PNPLA7: variants seen among roughly 807,000 people sequenced by gnomAD.
The protein encoded by PNPLA7 is patatin like domain 7, lysophospholipase, also known as patatin-like phospholipase domain-containing protein 7.
In PNPLA7, 153 loss-of-function variants were observed where a neutral mutation model predicts 161.7. That is an observed-to-expected ratio of 0.95 (90% CI 0.83 to 1.08). The LOEUF is 1.08. Ranked by LOEUF, PNPLA7 falls within the 50% of genes least tolerant of loss-of-function variation. PNPLA7 has a pLI of 0.00. For synonymous variants in PNPLA7, 809 were observed against 782.1 expected (o/e 1.03, Z -0.57); for missense variants, 1,739 against 1,856.6 (o/e 0.94, Z 1.16).
In PNPLA7 at chr9:137,490,010, AC is replaced by A. The variant is rs368630803; in HGVS notation, c.2197+3002del. 3.3e-3 allele frequency among the ~76,000 whole-genome samples: 499 copies of A among 152,310 alleles called. 2 individuals are homozygous for A. The highest frequency in any genetic ancestry group is 0.011 in the African/African-American group (473 of 41,564). On this transcript the variant is annotated intron_variant, in intron 20 of 34. Coordinates refer to ENST00000406427, the MANE Select transcript of PNPLA7 (RefSeq NM_001098537.3). The surrounding 1 kb of genome is among the most constrained non-coding windows in gnomAD (Gnocchi z 4.1). ...AAACCTACGGGTCCAAGACGAAGAA[AC>A]CCCAAACAGGACAGATCCAAAGTAT...
rs1245537311 is a variant in PNPLA7 at position 137,490,453 on chromosome 9, G to C, written c.2197+2560C>G. On this transcript the variant is annotated intron_variant, in intron 20 of 34. Transcript: ENST00000406427. This position sits in a 1 kb window ranked among gnomAD's most constrained non-coding sequence, Gnocchi z 4.1. ...TGCGTTACCTACTGGAGAACATCTGGATACCTGGATCCTTCATGAGAAGCA... is the reference window on the plus strand; with the variant it reads ...TGCGTTACCTACTGGAGAACATCTGCATACCTGGATCCTTCATGAGAAGCA... Among the ~76,000 whole-genome samples, 1 of 152,176 alleles carries C rather than the reference G, an allele frequency of 6.6e-6. No individual in the cohort carries two copies.
At chr9:137,515,843 C>T (rs1230907392) in intron 11 of PNPLA7, among the ~76,000 whole-genome samples, 1 of 67,674 alleles carries the variant, frequency 1.5e-5, no homozygotes, top group African/African-American at 6.2e-5. Flanking sequence ...CAAATGCCCC[C>T]TCCCCCCAAT....
chr9:137,532,975 A>C (rs1215786615), intron 8 of PNPLA7, among the ~76,000 whole-genome samples: 4 of 150,902 alleles, frequency 2.7e-5, no homozygotes, highest in African/African-American at 9.8e-5. Context: ...AACAGTGTCC[A>C]CTCCAGACGG....
rs570754228 is a variant in PNPLA7 at position 137,476,188 on chromosome 9, C to T, written c.2882+1846G>A. On this transcript the variant is annotated intron_variant, in intron 25 of 34. Transcript: ENST00000406427. This position sits in a 1 kb window ranked among gnomAD's most constrained non-coding sequence, Gnocchi z 4.5. ...AGTAAACAGAGATGAGTGGTATGTC[C>T]GAACATACCGAGAGGAGGTTAATGC... Among the ~76,000 whole-genome samples the T allele has an allele frequency of 6.6e-6, 1 of 152,186 alleles. No individual in the cohort carries two copies. Among genetic ancestry groups the T allele is most frequent in the East Asian group, 1.9e-4 (1 of 5,186 alleles).
chr9:137,506,671 G>T (rs537227360), intron 12 of PNPLA7, among the ~76,000 whole-genome samples: 1 of 152,282 alleles, frequency 6.6e-6, no homozygotes, highest in South Asian at 2.1e-4. Flanking sequence ...GCTGCTTTTG[G>T]GCGGCCTCGG....
intron 11 of PNPLA7, 55 bp downstream of exon 11, chr9:137,519,862 C>T (rs1370482869): frequency 6.4e-7 from 1 of 1,567,960 alleles, no homozygotes; most frequent in East Asian, 2.3e-5. Context: ...GCAGTGGGAG[C>T]AGGATCCCCC....
At chr9:137,487,465 G>C (rs958550143) in intron 20 of PNPLA7, among the ~76,000 whole-genome samples, 2 of 152,244 alleles carry the variant, frequency 1.3e-5, no homozygotes, top group African/African-American at 4.8e-5. Flanking sequence ...CCCCAGTAAA[G>C]GACCCTGCCT....
chr9:137,497,290 C>T lies in PNPLA7; in HGVS notation c.1910G>A (p.Cys637Tyr). 6.3e-7 allele frequency: 1 copy of T among 1,578,440 alleles called. No individual in the cohort carries two copies. The highest frequency in any genetic ancestry group is 8.6e-7 in the Non-Finnish European group (1 of 1,163,036). Residue 637 changes from cysteine to tyrosine, a missense_variant, in exon 18 of 35, where the codon TGC (cysteine) becomes TAC (tyrosine). By Grantham distance (194) the Cys-to-Tyr change is radical. Coordinates refer to ENST00000406427, the MANE Select transcript of PNPLA7 (RefSeq NM_001098537.3). ...AIYRQGDKSD[C>Y]TYIMLSGRLR... is the part of the protein sequence containing the mutation. ...CCGGCCGCTGAGCATGATGTACGTGCAGTCGGACTTGTCCCCCTGCCTGCG... is the reference window on the plus strand; with the variant it reads ...CCGGCCGCTGAGCATGATGTACGTGTAGTCGGACTTGTCCCCCTGCCTGCG...
chr9:137,479,146 C>T lies in PNPLA7; in HGVS notation c.2673G>A (p.Val891=), dbSNP rs1040212951. 3.2e-6 allele frequency: 5 copies of T among 1,587,132 alleles called. No homozygotes were observed. The African/African-American group carries it at 4.0e-5, about 13-fold the overall frequency. Reference sequence around the variant, plus strand: ...ACCAGCTCCGCATGTTGAGCCACTCCACGGTGCGCGCTGGCGCCGGGCCCT... The same window carrying T: ...ACCAGCTCCGCATGTTGAGCCACTCTACGGTGCGCGCTGGCGCCGGGCCCT... The part of the protein sequence containing the change: ...REEGPAPART[V]EWLNMRSWCS... The change falls in exon 24 of 35, where the codon GTG becomes GTA. Residue 891 remains valine, a synonymous_variant. Coordinates refer to ENST00000406427, the MANE Select transcript of PNPLA7 (RefSeq NM_001098537.3).
In PNPLA7 at chr9:137,546,913, C is replaced by G. The variant is rs1345254111; in HGVS notation, c.194-4G>C. ...TGAGGAGTGGGCTGTGCTTGTCCTGCAGGGGAGTAAAGGGATGGCCTGAGG... is the reference window on the plus strand; with the variant it reads ...TGAGGAGTGGGCTGTGCTTGTCCTGGAGGGGAGTAAAGGGATGGCCTGAGG... On this transcript the variant is annotated splice_region_variant and splice_polypyrimidine_tract_variant and intron_variant, in intron 3 of 34. Coordinates refer to ENST00000406427, the MANE Select transcript of PNPLA7 (RefSeq NM_001098537.3). The G allele has an allele frequency of 1.2e-6, 2 of 1,613,620 alleles. No individual in the cohort carries two copies. The highest frequency in any genetic ancestry group is 4.5e-5 in the East Asian group (2 of 44,900).
chr9:137,473,183 C>G (rs923206447), intron 25 of PNPLA7, among the ~76,000 whole-genome samples: 5 of 152,112 alleles, frequency 3.3e-5, no homozygotes, highest in Non-Finnish European at 5.9e-5. Context: ...CCCACCAGGT[C>G]CCTCCCACAA....
intron 14 of PNPLA7, among the ~76,000 whole-genome samples, chr9:137,502,693 G>GC (rs1274095855): frequency 2.3e-5 from 2 of 88,746 alleles, no homozygotes; most frequent in African/African-American, 4.6e-5. Context: ...TGAGGGGGAC[G>GC]GGGGGGACGC....
chr9:137,480,757 C>A (rs1461872124), intron 22 of PNPLA7: 4 of 744,876 alleles, frequency 5.4e-6, no homozygotes, highest in Non-Finnish European at 8.6e-6. Context: ...GGCTGGGGTC[C>A]CCTGGGAGGC....
chr9:137,475,686 T>C (rs1402247040), intron 25 of PNPLA7, among the ~76,000 whole-genome samples: 1 of 151,808 alleles, frequency 6.6e-6, no homozygotes, highest in East Asian at 1.9e-4. Context: ...GAACCTGTTT[T>C]TTTTTTAAAA....
intron 26 of PNPLA7, among the ~76,000 whole-genome samples, chr9:137,465,195 G>A (rs1399407992): frequency 1.3e-5 from 2 of 152,180 alleles, no homozygotes; most frequent in African/African-American, 2.4e-5. Flanking sequence ...CTCGGCCACA[G>A]GCAGAGGAGA....
chr9:137,484,533 C>G, intron 21 of PNPLA7, 54 bp downstream of exon 21: 1 of 1,509,266 alleles, frequency 6.6e-7, no homozygotes, highest in Non-Finnish European at 8.9e-7. Context: ...GGCAGGCGCC[C>G]TCCACCAGGC....
chr9:137,479,269 CG>C (rs1023362538), intron 23 of PNPLA7, 31 bp from the exon 24 acceptor site: 5 of 1,493,586 alleles, frequency 3.3e-6, no homozygotes, highest in Non-Finnish European at 4.5e-6. Flanking sequence ...GTCTGCCAGC[CG>C]GGTGAGCCTG....
chr9:137,519,616 G>C (rs945207957), intron 11 of PNPLA7, among the ~76,000 whole-genome samples: 2 of 152,068 alleles, frequency 1.3e-5, no homozygotes, highest in Admixed American at 1.3e-4. Context: ...AGGAGATGGG[G>C]ACACGTGAGG....
rs1833374556 is a variant in PNPLA7 at position 137,500,951 on chromosome 9, GC to G, written c.1552-56del. The G allele has an allele frequency of 6.7e-7, 1 of 1,486,704 alleles. No individual in the cohort carries two copies. Among genetic ancestry groups the G allele is most frequent in the Non-Finnish European group, 9.0e-7 (1 of 1,106,888 alleles). The allele number at this position is 1,486,704 out of a possible 1,614,324, so 92.1% of individuals were successfully genotyped here. A position where few individuals can be genotyped will look rare whatever the true frequency, so the allele number is the denominator to read the frequency against. On this transcript the variant is annotated intron_variant, in intron 15 of 34. Transcript: ENST00000406427. The surrounding 1 kb of genome is among the most constrained non-coding windows in gnomAD (Gnocchi z 5.5). ...GCGAGTGGCCGCGGGCAGGACGGGG[GC>G]AGCTCTGGGCCCAGAGCGGACGATG...
Sources: allele counts gnomAD v4.1 joint callset (sites outside exome capture counted in the v4.1 genomes callset), GRCh38; gene constraint gnomAD v4.1.1; non-coding constraint Gnocchi (gnomAD v3.1); transcripts MANE v1.5; gene names NCBI Gene and HGNC (gene_info 2026-07-23, HGNC 2026-07-21).